The following BRD8 variants were observed in gnomAD, a reference collection of about 807,000 sequenced individuals.
The protein encoded by BRD8 is bromodomain-containing protein 8.
Under a neutral mutation model 143.1 loss-of-function variants are expected in BRD8, and 67 were observed. The observed-to-expected ratio is 0.47, with a 90% CI of 0.38 to 0.57. The LOEUF is 0.57. Among genes scored for constraint, BRD8 ranks in the 20% least tolerant of loss-of-function variants. The pLI is 0.00. For synonymous variants in BRD8, 505 were observed against 517.1 expected (o/e 0.98, Z 0.32); for missense variants, 1,103 against 1,503.0 (o/e 0.73, Z 4.40).
intron 11 of BRD8, among the ~76,000 whole-genome samples, 154 bp downstream of exon 11, chr5:138,165,674 C>G (rs1190799554): frequency 6.9e-6 from 1 of 145,368 alleles, no homozygotes; most frequent in African/African-American, 2.6e-5. Context: ...AACAGTAAGC[C>G]AAGATCGTGC....
chr5:138,152,533 C>T lies in BRD8; in HGVS notation c.2805G>A (p.Gln935=), dbSNP rs757679501. The T allele has an allele frequency of 6.2e-7, 1 of 1,614,188 alleles. No individual in the cohort carries two copies. The highest frequency in any genetic ancestry group is 1.1e-5 in the South Asian group (1 of 91,090). ...GGTGGCTGGCTTTCCTTGCCGCTTCCTGAGATTCCTCACTGCCTCCATCCC... is the reference window on the plus strand; with the variant it reads ...GGTGGCTGGCTTTCCTTGCCGCTTCTTGAGATTCCTCACTGCCTCCATCCC... ...LVGDGGSEES[Q]EAARKASHQN... The change falls in exon 21 of 27, where the codon CAG becomes CAA. Residue 935 remains glutamine (Q), a synonymous_variant. Coordinates refer to ENST00000254900, the MANE Select transcript of BRD8 (RefSeq NM_139199.2).
intron 20 of BRD8, among the ~76,000 whole-genome samples, chr5:138,158,923 G>A (rs967989645): frequency 6.6e-6 from 1 of 151,820 alleles, no homozygotes; most frequent in Non-Finnish European, 1.5e-5. Flanking sequence ...GCACCACTCC[G>A]CTGCACAGCT....
At chr5:138,144,162 G>T (rs973851579) in intron 25 of BRD8, among the ~76,000 whole-genome samples, 1 of 152,034 alleles carries the variant, frequency 6.6e-6, no homozygotes, top group Non-Finnish European at 1.5e-5. Context: ...GCCAAGGTCT[G>T]CAGCTTCACT....
Position 138,168,082 on chromosome 5 carries a change from C to T in BRD8, c.643-4G>A, listed in dbSNP as rs1181622708. 4 of 1,608,386 alleles carry T rather than the reference C, an allele frequency of 2.5e-6. No individual in the cohort carries two copies. Among genetic ancestry groups the T allele is most frequent in the Non-Finnish European group, 3.4e-6 (4 of 1,176,230 alleles). The stretch of plus-strand genomic sequence containing the variant: ...CAGCCATTTCACTCTCATTGACCTA[C>T]CAGGGAAGAATAGAGGTGAAGGCTA... On this transcript the variant is annotated splice_region_variant and splice_polypyrimidine_tract_variant and intron_variant, in intron 8 of 26. Coordinates refer to ENST00000254900, the MANE Select transcript of BRD8 (RefSeq NM_139199.2).
Position 138,165,949 on chromosome 5 carries a change from G to A in BRD8, c.1157C>T (p.Pro386Leu). 6.2e-7 allele frequency: 1 copy of A among 1,614,080 alleles called. No individual in the cohort carries two copies. The highest frequency in any genetic ancestry group is 8.5e-7 in the Non-Finnish European group (1 of 1,180,020). Residue 386 changes from proline (P) to leucine (L), a missense_variant, in exon 11 of 27, where the codon CCC (proline) becomes CTC (leucine). By Grantham distance (98) the Pro-to-Leu change is moderately conservative. Around this residue, in one of 7 missense-constraint regions of BRD8, gnomAD observed 334 missense variants for 372.5 expected, o/e 0.90. Coordinates refer to ENST00000254900, the MANE Select transcript of BRD8 (RefSeq NM_139199.2). ...VAEAPVGSKA[P>L]SIDGKEELDL... ...TAATTCTTCCTTCCCATCTATGCTG[G>A]GAGCCTTTGATCCAACAGGAGCCTC... is the stretch of plus-strand genomic sequence containing the variant.
intron 22 of BRD8, among the ~76,000 whole-genome samples, 187 bp from the exon 23 acceptor site, chr5:138,149,984 CTG>C (rs1338055418): frequency 6.6e-6 from 1 of 152,166 alleles, no homozygotes; most frequent in Non-Finnish European, 1.5e-5. Context: ...AACAATCTTG[CTG>C]GAGGACTTTG....
chr5:138,178,035 C>T (rs1216700823), intron 1 of BRD8, among the ~76,000 whole-genome samples: 1 of 152,108 alleles, frequency 6.6e-6, no homozygotes, highest in East Asian at 1.9e-4. Flanking sequence ...CCCAGGAACC[C>T]GAGCGGCCAG....
chr5:138,157,325 T>C (rs1002852873), intron 20 of BRD8: 2 of 1,605,734 alleles, frequency 1.2e-6, no homozygotes, highest in Admixed American at 1.7e-5. Context: ...CAAGAGACGG[T>C]GCAACAGAAA....
chr5:138,175,798 C>T (rs954617058), intron 2 of BRD8, among the ~76,000 whole-genome samples: 16 of 148,598 alleles, frequency 1.1e-4, no homozygotes, highest in African/African-American at 3.0e-4. Context: ...CCTGTAGTCC[C>T]GGCTACTCAG....
chr5:138,169,051 T>C (rs1392393595), intron 8 of BRD8, among the ~76,000 whole-genome samples, 171 bp downstream of exon 8: 3 of 152,248 alleles, frequency 2.0e-5, no homozygotes. Context: ...AAAGCCTCAA[T>C]GCTTTTAGGT....
At chr5:138,169,390 T>A in intron 7 of BRD8, 32 bp from the exon 8 acceptor site, 1 of 1,606,162 alleles carries the variant, frequency 6.2e-7, no homozygotes, top group Non-Finnish European at 8.5e-7. Flanking sequence ...TGTCCAAATC[T>A]TCAAGATTAA....
intron 26 of BRD8, 49 bp downstream of exon 26, chr5:138,140,656 G>A (rs770048419): frequency 7.7e-6 from 12 of 1,561,936 alleles, no homozygotes; most frequent in Non-Finnish European, 1.1e-5. Flanking sequence ...ATTCTCATAG[G>A]CGTTCTGAAA....
chr5:138,169,311 C>T lies in BRD8; in HGVS notation c.553G>A (p.Val185Ile), dbSNP rs760018455. The change falls in exon 8 of 27, where the codon GTT becomes ATT. Residue 185 changes from valine (V) to isoleucine (I), a missense_variant. Physicochemically the swap from Val to Ile is conservative, Grantham distance 29. Coordinates refer to ENST00000254900, the MANE Select transcript of BRD8 (RefSeq NM_139199.2). The part of the protein sequence containing the change: ...TPPRRLPTVM[V>I]RSPIDSASPG... ...GAGGCAGAATCTATAGGAGAGCGAA[C>T]CATCACAGTGGGTAACCTCCGGGGG... 1 of 1,614,132 alleles carries T rather than the reference C, an allele frequency of 6.2e-7. No homozygotes were observed.
intron 16 of BRD8, 80 bp from the exon 17 acceptor site, chr5:138,161,944 A>C: frequency 6.4e-7 from 1 of 1,567,278 alleles, no homozygotes; most frequent in Non-Finnish European, 8.8e-7. Flanking sequence ...AACTAAAGGT[A>C]GTAAGAACTA....
chr5:138,144,331 G>T (rs1177726032), intron 25 of BRD8, among the ~76,000 whole-genome samples: 2 of 152,004 alleles, frequency 1.3e-5, no homozygotes, highest in Admixed American at 6.6e-5. Context: ...GGACACATCT[G>T]AACATCCGAA....
chr5:138,164,899 C>G lies in BRD8; in HGVS notation c.1546G>C (p.Glu516Gln), dbSNP rs1212183182. 2.5e-6 allele frequency: 4 copies of G among 1,614,196 alleles called. No homozygotes were observed. Among genetic ancestry groups the G allele is most frequent in the South Asian group, 2.2e-5 (2 of 91,088 alleles). The change falls in exon 12 of 27, where the codon GAG becomes CAG. Residue 516 changes from glutamate to glutamine, a missense_variant. Physicochemically the swap from Glu to Gln is conservative, Grantham distance 29. Transcript: ENST00000254900. Reference sequence around the variant, plus strand: ...ATTTCGGCTCCTGAAATGACTGGCTCTGGTTCTGCAGGTTCCACCTTGATC... The same window carrying G: ...ATTTCGGCTCCTGAAATGACTGGCTGTGGTTCTGCAGGTTCCACCTTGATC... ...AEIKVEPAEP[E>Q]PVISGAEIVA...
intron 23 of BRD8, among the ~76,000 whole-genome samples, chr5:138,148,210 A>G (rs1339837932): frequency 2.0e-5 from 3 of 151,534 alleles, no homozygotes; most frequent in Non-Finnish European, 4.4e-5. Flanking sequence ...GGGTCAGTGC[A>G]TAAATCTCAT....
intron 2 of BRD8, among the ~76,000 whole-genome samples, chr5:138,175,697 T>TAAAAA (rs11369426): frequency 1.4e-5 from 2 of 139,040 alleles, no homozygotes; most frequent in African/African-American, 5.3e-5. Context: ...ATATTTAAAT[T>TAAAAA]AAAAAAAAAA....
chr5:138,140,084 G>C lies in BRD8; in HGVS notation c.3698C>G (p.Pro1233Arg). 1 of 1,612,992 alleles carries C rather than the reference G, an allele frequency of 6.2e-7. No individual in the cohort carries two copies. The highest frequency in any genetic ancestry group is 8.5e-7 in the Non-Finnish European group (1 of 1,179,016). ...GATAGCAGCTCCAGGTTAGAAAACA[G>C]GTTTTCCATCATCCACTGGGTTAGC... ...EPANPVDDGK[P>R]VF Residue 1233 changes from proline to arginine, a missense_variant, in exon 27 of 27, where the codon CCT (proline) becomes CGT (arginine). Physicochemically the swap from Pro to Arg is moderately radical, Grantham distance 103. Around this residue, in one of 7 missense-constraint regions of BRD8, gnomAD observed 369 missense variants for 445.5 expected, o/e 0.83. Transcript: ENST00000254900.
Sources: allele counts gnomAD v4.1 joint callset (sites outside exome capture counted in the v4.1 genomes callset), GRCh38; gene constraint gnomAD v4.1.1; regional missense constraint gnomAD v4.1.1; transcripts MANE v1.5; gene names NCBI Gene and HGNC (gene_info 2026-07-23, HGNC 2026-07-21).